Variants in VAPB observed in about 807,000 individuals in gnomAD.
The protein encoded by VAPB is vesicle-associated membrane protein-associated protein B/C.
In VAPB, 7 loss-of-function variants were observed where a neutral mutation model predicts 25.6. The ratio of observed to expected loss-of-function variants is 0.27; its 90% CI spans 0.16 to 0.51. VAPB has a LOEUF of 0.51. Among genes scored for constraint, VAPB ranks in the 20% least tolerant of loss-of-function variants. The pLI is 0.97. For missense variants in VAPB, 266 were observed against 301.3 expected (o/e 0.88, Z 0.87); for synonymous variants, 112 against 109.2 (o/e 1.03, Z -0.16).
intron 1 of VAPB, among the ~76,000 whole-genome samples, chr20:58,401,278 G>C (rs907577217): frequency 1.3e-5 from 2 of 152,092 alleles, no homozygotes; most frequent in Non-Finnish European, 2.9e-5. Context: ...AAACATTTGA[G>C]TATTGTCCCT....
In VAPB at chr20:58,447,594, G is replaced by C. The variant is rs555613689; in HGVS notation, c.*3359G>C. On this transcript the variant is annotated 3_prime_UTR_variant, in exon 6 of 6. Coordinates refer to ENST00000475243, the MANE Select transcript of VAPB (RefSeq NM_004738.5). ...AGGCTATGTTGAGTCAGATAGAACT[G>C]AATGTAGTGAGAGCTCAGAGCTACA... 15 of 454,134 alleles carry C rather than the reference G, an allele frequency of 3.3e-5. No individual in the cohort carries two copies. The highest frequency in any genetic ancestry group is 2.6e-4 in the African/African-American group (13 of 50,122). 28.1% of individuals were successfully genotyped at this position (454,134 alleles called of 1,614,324 possible). A position where few individuals can be genotyped will look rare whatever the true frequency, so the allele number is the denominator to read the frequency against.
intron 1 of VAPB, 89 bp downstream of exon 1, chr20:58,389,606 C>G (rs1482117230): frequency 7.1e-6 from 10 of 1,407,888 alleles, no homozygotes; most frequent in Non-Finnish European, 9.5e-6. Flanking sequence ...GACGTCGGCC[C>G]TCGTCCCCAC....
At chr20:58,396,963 G>C (rs933829159) in intron 1 of VAPB, among the ~76,000 whole-genome samples, 1 of 152,200 alleles carries the variant, frequency 6.6e-6, no homozygotes, top group Non-Finnish European at 1.5e-5. Flanking sequence ...ACCAGTATCA[G>C]CTCATTAGAG....
intron 1 of VAPB, among the ~76,000 whole-genome samples, chr20:58,393,569 AGTCC>A (rs1987864576): frequency 6.6e-6 from 1 of 152,072 alleles, no homozygotes; most frequent in Non-Finnish European, 1.5e-5. Flanking sequence ...CTTCCATGAG[AGTCC>A]ATCTGTGGTA....
chr20:58,432,165 G>A (rs1988941473), intron 2 of VAPB, among the ~76,000 whole-genome samples: 1 of 152,266 alleles, frequency 6.6e-6, no homozygotes, highest in East Asian at 1.9e-4. Context: ...CTCTAGGAAG[G>A]TGATGAATGG....
chr20:58,389,933 A>C (rs949428879), intron 1 of VAPB, among the ~76,000 whole-genome samples: 7 of 152,136 alleles, frequency 4.6e-5, no homozygotes, highest in Non-Finnish European at 1.0e-4. Context: ...TGCTGTGACC[A>C]CCCAGCCACC....
rs750114578 is a variant in VAPB, at chr20:58,418,221, C to T, written c.69C>T (p.Thr23=). Residue 23 remains threonine (T), a synonymous_variant, in exon 2 of 6, where the codon ACC becomes ACT. Coordinates refer to ENST00000475243, the MANE Select transcript of VAPB (RefSeq NM_004738.5). The part of the protein sequence containing the change: ...QHELKFRGPF[T]DVVTTNLKLG... ...TGTCTCATTCTACAGGTCCCTTCAC[C>T]GATGTTGTCACCACCAACCTAAAGC... 46 of 1,614,120 alleles carry T rather than the reference C, an allele frequency of 2.8e-5. No individual in the cohort carries two copies. In the East Asian group the frequency reaches 2.9e-4, roughly 10 times the overall value.
chr20:58,443,482 T>C (rs1198477033), intron 5 of VAPB, among the ~76,000 whole-genome samples: 9 of 151,674 alleles, frequency 5.9e-5, no homozygotes, highest in Admixed American at 5.3e-4. Context: ...GACGAGGTTT[T>C]ACCATGTTGA....
In VAPB at chr20:58,447,751, C is replaced by T. The variant is rs886056820; in HGVS notation, c.*3516C>T. 1 of 453,730 alleles carries T rather than the reference C, an allele frequency of 2.2e-6. No homozygotes were observed. The highest frequency in any genetic ancestry group is 1.6e-5 in the South Asian group (1 of 64,472). 28.1% of individuals were successfully genotyped at this position (453,730 alleles called of 1,614,324 possible). On this transcript the variant is annotated 3_prime_UTR_variant, in exon 6 of 6. Transcript: ENST00000475243. ...TCGTGCCTATATTTTTTTGCATACA[C>T]AAATTTTTGTGTTTGCAAACTCAGA...
At chr20:58,418,492 AC>A in intron 2 of VAPB, 129 bp downstream of exon 2, 3 of 993,404 alleles carry the variant, frequency 3.0e-6, no homozygotes, top group Non-Finnish European at 3.9e-6. Flanking sequence ...CCCCCACCCC[AC>A]CCCACCCCAC....
At chr20:58,422,828 A>G (rs1988696624) in intron 2 of VAPB, among the ~76,000 whole-genome samples, 1 of 152,206 alleles carries the variant, frequency 6.6e-6, no homozygotes, top group Non-Finnish European at 1.5e-5. Context: ...CAGTTCAGTT[A>G]TGCACATTGG....
chr20:58,409,318 T>C (rs1391178620), intron 1 of VAPB, among the ~76,000 whole-genome samples: 1 of 152,214 alleles, frequency 6.6e-6, no homozygotes, highest in Non-Finnish European at 1.5e-5. Context: ...TAGGATACTT[T>C]TTAATGTAAA....
intron 3 of VAPB, among the ~76,000 whole-genome samples, chr20:58,437,061 G>A (rs1019670809): frequency 3.0e-5 from 4 of 131,174 alleles, no homozygotes; most frequent in African/African-American, 6.0e-5. Context: ...GTGCAGTGGT[G>A]CAGTCATGGC....
intron 5 of VAPB, among the ~76,000 whole-genome samples, chr20:58,443,263 G>C (rs1989200235): frequency 6.6e-6 from 1 of 152,134 alleles, no homozygotes; most frequent in African/African-American, 2.4e-5. Flanking sequence ...GAAAATATTT[G>C]AGATGAGTGT....
At position 58,450,100 on chromosome 20, in the gene VAPB, C is replaced by T. The variant is rs760988025; in HGVS notation, c.*5865C>T. On this transcript the variant is annotated 3_prime_UTR_variant, in exon 6 of 6. Coordinates refer to ENST00000475243, the MANE Select transcript of VAPB (RefSeq NM_004738.5). ...CGTTGACTTGCCGGTTTTTCCATGT[C>T]ATACAAAAAAGTCCTGGCTGTTTCT... 2.9e-5 allele frequency: 13 copies of T among 453,922 alleles called. 1 individual carries two copies. The highest frequency in any genetic ancestry group is 1.9e-4 in the South Asian group (12 of 64,484). 28.1% of individuals were successfully genotyped at this position (453,922 alleles called of 1,614,324 possible).
chr20:58,448,842 A>AAGC lies in VAPB; in HGVS notation c.*4608_*4609insGCA. 2.2e-6 allele frequency: 1 copy of AAGC among 454,032 alleles called. No individual in the cohort carries two copies. The highest frequency in any genetic ancestry group is 4.4e-6 in the Non-Finnish European group (1 of 226,790). The allele number at this position is 454,032 out of a possible 1,614,324, so 28.1% of individuals were successfully genotyped here. A position where few individuals can be genotyped will look rare whatever the true frequency, so the allele number is the denominator to read the frequency against. On this transcript the variant is annotated 3_prime_UTR_variant, in exon 6 of 6. Transcript: ENST00000475243. ...AAGATCTCTGCTGATGCTCCTGGAG[A>AAGC]ATGACTTTGGGGGCTTTAGAAAGAA...
intron 1 of VAPB, among the ~76,000 whole-genome samples, chr20:58,401,551 GCTCT>G (rs1988095902): frequency 6.6e-6 from 1 of 151,946 alleles, no homozygotes; most frequent in African/African-American, 2.4e-5. Flanking sequence ...CTCTCTCATT[GCTCT>G]CTCTGCTTTT....
At chr20:58,440,847 A>G in intron 4 of VAPB, 60 bp from the exon 5 acceptor site, 5 of 1,550,832 alleles carry the variant, frequency 3.2e-6, no homozygotes, top group Non-Finnish European at 2.6e-6. Context: ...TTTACTTTGC[A>G]TAAAAAAGTC....
chr20:58,404,037 T>C (rs1326883074), intron 1 of VAPB, among the ~76,000 whole-genome samples: 1 of 152,212 alleles, frequency 6.6e-6, no homozygotes, highest in Non-Finnish European at 1.5e-5. Context: ...TATAGGTCCT[T>C]TCCCTTCCAG....
Sources: allele counts gnomAD v4.1 joint callset (sites outside exome capture counted in the v4.1 genomes callset), GRCh38; gene constraint gnomAD v4.1.1; transcripts MANE v1.5; gene names NCBI Gene and HGNC (gene_info 2026-07-23, HGNC 2026-07-21).